The following ARHGAP25 variants were observed in gnomAD, a reference collection of about 807,000 sequenced individuals.
ARHGAP25 encodes the protein Rho GTPase activating protein 25.
ARHGAP25 carries 34 observed loss-of-function variants against 71.0 expected under a neutral mutation model. That is an observed-to-expected ratio of 0.48 (90% CI 0.36 to 0.64). ARHGAP25 has a LOEUF of 0.64. Among genes scored for constraint, ARHGAP25 ranks in the 30% least tolerant of loss-of-function variants. The pLI is 0.00. For missense variants in ARHGAP25, 706 were observed against 805.1 expected (o/e 0.88, Z 1.49); for synonymous variants, 282 against 296.5 (o/e 0.95, Z 0.50).
intron 1 of ARHGAP25, among the ~76,000 whole-genome samples, chr2:68,743,155 G>C (rs1675606134): frequency 1.3e-5 from 2 of 152,320 alleles, no homozygotes; most frequent in Non-Finnish European, 1.5e-5. Context: ...TAGGCAAAGA[G>C]TGACTCTGGG....
chr2:68,740,592 A>G (rs557368290), intron 1 of ARHGAP25, among the ~76,000 whole-genome samples: 1 of 152,296 alleles, frequency 6.6e-6, no homozygotes, highest in South Asian at 2.1e-4. Context: ...CATCTTGTCC[A>G]CGGGGAGTCT....
chr2:68,738,184 T>G (rs1416251127), intron 1 of ARHGAP25, among the ~76,000 whole-genome samples: 1 of 152,170 alleles, frequency 6.6e-6, no homozygotes, highest in African/African-American at 2.4e-5. Context: ...TGACAGCCTT[T>G]CACTGCCTTC....
At chr2:68,813,494 C>G in intron 6 of ARHGAP25, 75 bp downstream of exon 6, 3 of 1,531,172 alleles carry the variant, frequency 2.0e-6, no homozygotes, top group Non-Finnish European at 2.6e-6. Context: ...CAGTAGGCAA[C>G]AGTGGGTCAA....
chr2:68,724,663 C>T (rs1179452736), intron 2 of ARHGAP25, among the ~76,000 whole-genome samples: 1 of 152,224 alleles, frequency 6.6e-6, no homozygotes, highest in Non-Finnish European at 1.5e-5. Context: ...TACTGGGTGG[C>T]AGTAGGATCT....
At chr2:68,731,981 C>T (rs1425984347), upstream of ARHGAP25, among the ~76,000 whole-genome samples, 1 of 152,208 alleles carries the variant, frequency 6.6e-6, no homozygotes, top group African/African-American at 2.4e-5. Flanking sequence ...AACGTTCTTC[C>T]AATGTCCAGC....
At chr2:68,772,478 G>A (rs914966512) in intron 1 of ARHGAP25, among the ~76,000 whole-genome samples, 4 of 152,258 alleles carry the variant, frequency 2.6e-5, no homozygotes, top group Non-Finnish European at 5.9e-5. Flanking sequence ...AGACTTCACT[G>A]AGGCTACTGA....
At chr2:68,759,357 A>G (rs1003208155) in intron 1 of ARHGAP25, among the ~76,000 whole-genome samples, 4 of 151,798 alleles carry the variant, frequency 2.6e-5, no homozygotes, top group African/African-American at 9.7e-5. Flanking sequence ...ATGAAAAAAA[A>G]AAGAAGATTC....
chr2:68,812,014 A>T (rs1257360176), intron 5 of ARHGAP25, among the ~76,000 whole-genome samples: 1 of 152,200 alleles, frequency 6.6e-6, no homozygotes. Context: ...TATGGTAGTG[A>T]ATCTTATTTT....
chr2:68,751,406 A>G (rs866315329), intron 1 of ARHGAP25, among the ~76,000 whole-genome samples: 1 of 152,270 alleles, frequency 6.6e-6, no homozygotes, highest in Non-Finnish European at 1.5e-5. Flanking sequence ...CATAGCATGT[A>G]TAAATACAAC....
chr2:68,784,206 A>C (rs1004926477), intron 3 of ARHGAP25, among the ~76,000 whole-genome samples: 12 of 151,676 alleles, frequency 7.9e-5, no homozygotes, highest in Middle Eastern at 3.2e-3. Flanking sequence ...ACACACACAC[A>C]CACCACATCT....
intron 4 of ARHGAP25, among the ~76,000 whole-genome samples, chr2:68,796,140 G>A (rs1679523878): frequency 6.6e-6 from 1 of 152,048 alleles, no homozygotes; most frequent in African/African-American, 2.4e-5. Flanking sequence ...AATGTTTTCT[G>A]TAATTCCTCC....
intron 4 of ARHGAP25, among the ~76,000 whole-genome samples, chr2:68,803,799 C>T (rs767982734): frequency 6.6e-5 from 10 of 151,566 alleles, no homozygotes; most frequent in Non-Finnish European, 1.3e-4. Flanking sequence ...GGAGTTCACT[C>T]GTAACCCTCC....
chr2:68,810,648 T>TA (rs1419480705), intron 5 of ARHGAP25, among the ~76,000 whole-genome samples: 1 of 152,182 alleles, frequency 6.6e-6, no homozygotes, highest in Non-Finnish European at 1.5e-5. Flanking sequence ...AAATTTCTCC[T>TA]GATTAAACTG....
chr2:68,826,100 G>C lies in ARHGAP25; in HGVS notation c.1847G>C (p.Arg616Pro). 1 of 1,614,060 alleles carries C rather than the reference G, an allele frequency of 6.2e-7. No individual in the cohort carries two copies. ...GAGATCAGCCTCCGCAACATGGAGC[G>C]CTCCCGGGAGGATGTTGAGAAGAGG... Reference protein sequence around the residue: ...ALEISLRNMERSREDVEKRNK... With the variant: ...ALEISLRNMEPSREDVEKRNK... Residue 616 changes from arginine (R) to proline (P), a missense_variant, in exon 11 of 11, where the codon CGC (arginine) becomes CCC (proline). Arg to Pro is a moderately radical substitution (Grantham distance 103, BLOSUM62 -2). Coordinates refer to ENST00000409202, the MANE Select transcript of ARHGAP25 (RefSeq NM_001007231.3).
rs568191276 is a variant in ARHGAP25, at chr2:68,813,823, A to C, written c.807+404A>C. Among the ~76,000 whole-genome samples, 3 of 152,306 alleles carry C rather than the reference A, an allele frequency of 2.0e-5. No individual in the cohort carries two copies. In the South Asian group the frequency reaches 6.2e-4, roughly 32 times the overall value. On this transcript the variant is annotated intron_variant, in intron 6 of 10. Transcript: ENST00000409202. ...TCAGGCGTGGTCATCCAAGGAATGC[A>C]TGTGCCAGGGAGAAGAAGGACAGGG...
intron 8 of ARHGAP25, among the ~76,000 whole-genome samples, chr2:68,818,244 T>C (rs988425253): frequency 5.3e-4 from 80 of 152,238 alleles, no homozygotes; most frequent in African/African-American, 1.8e-3. Context: ...CAATAATAGC[T>C]AGCTAGTGTT....
At chr2:68,776,243 G>A (rs950738628) in intron 2 of ARHGAP25, among the ~76,000 whole-genome samples, 1 of 151,864 alleles carries the variant, frequency 6.6e-6, no homozygotes, top group Non-Finnish European at 1.5e-5. Flanking sequence ...GAAGCAAGAG[G>A]GTAGTCAGGG....
chr2:68,748,646 G>C (rs1396432867), intron 1 of ARHGAP25, among the ~76,000 whole-genome samples: 1 of 151,640 alleles, frequency 6.6e-6, no homozygotes, highest in Non-Finnish European at 1.5e-5. Context: ...TTTTTTTCCT[G>C]TCCTTATTAG....
chr2:68,796,838 C>T (rs911983004), intron 4 of ARHGAP25, among the ~76,000 whole-genome samples: 3 of 152,000 alleles, frequency 2.0e-5, no homozygotes, highest in African/African-American at 7.2e-5. Flanking sequence ...GGTGAGTGGG[C>T]TTTTGACCTT....
Sources: allele counts gnomAD v4.1 joint callset (sites outside exome capture counted in the v4.1 genomes callset), GRCh38; gene constraint gnomAD v4.1.1; transcripts MANE v1.5; gene names NCBI Gene and HGNC (gene_info 2026-07-23, HGNC 2026-07-21).